GOLT1A: variants seen among roughly 807,000 people sequenced by gnomAD.
GOLT1A encodes vesicle transport protein GOT1A.
A neutral mutation model predicts 16.1 loss-of-function variants in GOLT1A; 10 were observed. That is an observed-to-expected ratio of 0.62 (90% CI 0.38 to 1.05). The LOEUF (loss-of-function observed/expected upper bound fraction) is 1.05. Ranked by LOEUF, GOLT1A falls within the 50% of genes least tolerant of loss-of-function variation. The probability of loss-of-function intolerance (pLI) is 0.01; values close to 1 mark genes in which losing one functional copy is unlikely to be tolerated. For missense variants in GOLT1A, 137 were observed against 165.7 expected, an observed-to-expected ratio of 0.83 and a Z score of 0.95; for synonymous variants, 60 against 67.9, an observed-to-expected ratio of 0.88 and a Z score of 0.57.
chr1:204,204,100 T>C (rs922830909), intron 1 of GOLT1A, among the ~76,000 whole-genome samples: 112 of 152,356 alleles, frequency 7.4e-4, no homozygotes, highest in African/African-American at 2.1e-3. Context: ...TTTGCCACTA[T>C]GATAGTCAAT....
chr1:204,206,712 G>A (rs937119445), intron 1 of GOLT1A, among the ~76,000 whole-genome samples: 2 of 152,342 alleles, frequency 1.3e-5, no homozygotes, highest in Non-Finnish European at 2.9e-5. Context: ...CACATTTTAC[G>A]GGGTTTTCAT....
intron 4 of GOLT1A, 163 bp downstream of exon 4, chr1:204,199,031 CG>C (rs1441698768): frequency 4.8e-6 from 3 of 619,372 alleles, no homozygotes; most frequent in African/African-American, 1.9e-5. Context: ...GGAGAAGGTG[CG>C]GGGGGAAGAG....
intron 2 of GOLT1A, 84 bp downstream of exon 2, chr1:204,202,812 T>A (rs547268146): frequency 1.1e-6 from 1 of 946,438 alleles, no homozygotes; most frequent in East Asian, 2.4e-5. Flanking sequence ...AAACTGTAAG[T>A]CTTTATTGCC....
Position 204,202,162 on chromosome 1 carries a change from A to C in GOLT1A, c.118-351T>G, listed in dbSNP as rs551088475. Among the ~76,000 whole-genome samples, 3 of 152,002 alleles carry C rather than the reference A, an allele frequency of 2.0e-5. No homozygotes were observed. In the South Asian group the frequency reaches 6.2e-4, roughly 32 times the overall value. On this transcript the variant is annotated intron_variant, in intron 2 of 4. Coordinates refer to ENST00000308302, the MANE Select transcript of GOLT1A (RefSeq NM_198447.2). Reference sequence around the variant, plus strand: ...TTTTATTCCAAAGAAGTGAAGATTGAGGCCTAAGTAGGTTAGGCAGCCATA... The same window carrying C: ...TTTTATTCCAAAGAAGTGAAGATTGCGGCCTAAGTAGGTTAGGCAGCCATA...
chr1:204,209,555 G>GT (rs1214355966), intron 1 of GOLT1A, among the ~76,000 whole-genome samples: 1 of 152,220 alleles, frequency 6.6e-6, no homozygotes, highest in Non-Finnish European at 1.5e-5. Flanking sequence ...GATTGATAGT[G>GT]TAATGAACAT....
In GOLT1A at chr1:204,198,390, G is replaced by C. The variant is rs1012343022; in HGVS notation, c.*68C>G. The C allele has an allele frequency of 7.1e-7, 1 of 1,416,144 alleles. No homozygotes were observed. The highest frequency in any genetic ancestry group is 2.3e-5 in the East Asian group (1 of 43,864). The allele number at this position is 1,416,144 out of a possible 1,614,324, so 87.7% of individuals were successfully genotyped here. A position where few individuals can be genotyped will look rare whatever the true frequency, so the allele number is the denominator to read the frequency against. ...GTGAGTCAGTGCAGGGGACTGAGGG[G>C]GTGGTTCCCATTCTCCCTCTAGCCC... is the stretch of plus-strand genomic sequence containing the variant. On this transcript the variant is annotated 3_prime_UTR_variant, in exon 5 of 5. Coordinates refer to ENST00000308302, the MANE Select transcript of GOLT1A (RefSeq NM_198447.2).
At chr1:204,208,437 CAT>C (rs1438364767) in intron 1 of GOLT1A, among the ~76,000 whole-genome samples, 3 of 59,114 alleles carry the variant, frequency 5.1e-5, no homozygotes, top group East Asian at 3.1e-4. Flanking sequence ...TATATGTATA[CAT>C]ATGTGTGTAT....
chr1:204,198,520 T>G (rs768826408), intron 4 of GOLT1A, 24 bp from the exon 5 acceptor site: 2 of 1,610,324 alleles, frequency 1.2e-6, no homozygotes, highest in Non-Finnish European at 1.7e-6. Flanking sequence ...GAATCATTAC[T>G]CCACACAAAG....
intron 1 of GOLT1A, among the ~76,000 whole-genome samples, chr1:204,205,165 G>C (rs1233335437): frequency 6.6e-6 from 1 of 152,162 alleles, no homozygotes; most frequent in Non-Finnish European, 1.5e-5. Context: ...AAATTTTGAT[G>C]TAGTCTGATT....
intron 1 of GOLT1A, among the ~76,000 whole-genome samples, chr1:204,210,281 G>A (rs1030587765): frequency 6.6e-6 from 1 of 152,126 alleles, no homozygotes; most frequent in African/African-American, 2.4e-5. Flanking sequence ...TCTTCCTACT[G>A]CTCTAACTGC....
In GOLT1A at chr1:204,198,468, G is replaced by C. The variant is rs761018559; in HGVS notation, c.389C>G (p.Ser130Trp). The change falls in exon 5 of 5, where the codon TCG becomes TGG. Residue 130 changes from serine to tryptophan, a missense_variant. Transcript: ENST00000308302. The stretch of plus-strand genomic sequence containing the variant: ...GCTCATCTCTGTTTTTCAGACCATC[G>C]AGCTAGTGCCTTGAAGTCTCCGGAA... ...ALFRRLQGTS[S>W]MV is the part of the protein sequence containing the mutation. The C allele has an allele frequency of 6.2e-7, 1 of 1,613,692 alleles. No homozygotes were observed. The highest frequency in any genetic ancestry group is 1.1e-5 in the South Asian group (1 of 91,040).
chr1:204,202,002 C>T lies in GOLT1A; in HGVS notation c.118-191G>A, dbSNP rs375049162. 4.5e-4 allele frequency among the ~76,000 whole-genome samples: 68 copies of T among 152,088 alleles called. 1 individual carries two copies. The highest frequency in any genetic ancestry group is 9.3e-4 in the Non-Finnish European group (63 of 68,024). On this transcript the variant is annotated intron_variant, in intron 2 of 4. Coordinates refer to ENST00000308302, the MANE Select transcript of GOLT1A (RefSeq NM_198447.2). ...GTCTTGCTGGCTGGGAACAGGACTG[C>T]GCAGAGGCAGGGGGATGGATGAGAA...
At chr1:204,200,027 T>C (rs1658927095) in intron 3 of GOLT1A, among the ~76,000 whole-genome samples, 1 of 152,176 alleles carries the variant, frequency 6.6e-6, no homozygotes, top group Non-Finnish European at 1.5e-5. Flanking sequence ...GTTTGCCTCC[T>C]GTGTTACTGC....
intron 3 of GOLT1A, 31 bp downstream of exon 3, chr1:204,201,602 T>A: frequency 6.2e-7 from 1 of 1,604,838 alleles, no homozygotes; most frequent in Non-Finnish European, 8.5e-7. Flanking sequence ...CTTTGGTGGG[T>A]CTGTCCAGGG....
At chr1:204,202,164 G>T (rs1658974390) in intron 2 of GOLT1A, among the ~76,000 whole-genome samples, 1 of 151,794 alleles carries the variant, frequency 6.6e-6, no homozygotes, top group Admixed American at 6.6e-5. Flanking sequence ...GAAGATTGAG[G>T]CCTAAGTAGG....
At chr1:204,201,459 T>C (rs1571672729) in intron 3 of GOLT1A, among the ~76,000 whole-genome samples, 174 bp downstream of exon 3, 1 of 152,286 alleles carries the variant, frequency 6.6e-6, no homozygotes, top group East Asian at 1.9e-4. Context: ...TGTTGATGGA[T>C]GGGCTAATCC....
chr1:204,211,941 G>C (rs969887588), intron 1 of GOLT1A, among the ~76,000 whole-genome samples: 9 of 152,070 alleles, frequency 5.9e-5, no homozygotes, highest in African/African-American at 2.2e-4. Context: ...GTCAATAGTG[G>C]GGAGGTGAGA....
chr1:204,210,753 T>C (rs1659125844), intron 1 of GOLT1A, among the ~76,000 whole-genome samples: 1 of 152,220 alleles, frequency 6.6e-6, no homozygotes, highest in African/African-American at 2.4e-5. Context: ...CTCCCTTGTA[T>C]GCTGATGACA....
At chr1:204,206,429 C>T (rs1305885709) in intron 1 of GOLT1A, among the ~76,000 whole-genome samples, 1 of 152,252 alleles carries the variant, frequency 6.6e-6, no homozygotes, top group Non-Finnish European at 1.5e-5. Flanking sequence ...GTTTTGTCAA[C>T]ATTTCCATCC....
Sources: gnomAD v4.1 joint callset for allele counts (sites outside exome capture counted in the v4.1 genomes callset) on GRCh38, gnomAD v4.1.1 for gene constraint, MANE v1.5 for transcripts, NCBI Gene and HGNC (gene_info 2026-07-23, HGNC 2026-07-21) for gene names.